The following CDH4 variants were observed in gnomAD, a reference collection of about 807,000 sequenced individuals.
CDH4 encodes the protein cadherin-4.
A neutral mutation model predicts 86.0 loss-of-function variants in CDH4; 33 were observed. That is an observed-to-expected ratio of 0.38 (90% CI 0.29 to 0.51). The LOEUF is 0.51. Among genes scored for constraint, CDH4 ranks in the 20% least tolerant of loss-of-function variants. The probability of loss-of-function intolerance (pLI) is 0.86; values close to 1 mark genes in which losing one functional copy is unlikely to be tolerated. For synonymous variants in CDH4, 555 were observed against 549.4 expected, an observed-to-expected ratio of 1.01 and a Z score of -0.14; for missense variants, 1,114 against 1,307.4, an observed-to-expected ratio of 0.85 and a Z score of 2.28.
intron 2 of CDH4, among the ~76,000 whole-genome samples, chr20:61,528,468 G>GGAA: frequency 9.9e-6 from 1 of 100,548 alleles, no homozygotes; most frequent in Admixed American, 1.0e-4. Flanking sequence ...GGAGAGGGAG[G>GGAA]GGGAGGGGGA....
intron 2 of CDH4, among the ~76,000 whole-genome samples, chr20:61,619,665 C>G (rs2086753843): frequency 6.6e-6 from 1 of 152,208 alleles, no homozygotes; most frequent in South Asian, 2.1e-4. Context: ...CAGGGTCCAG[C>G]ATTCAATTTG....
intron 14 of CDH4, 21 bp downstream of exon 14, chr20:61,933,145 C>T (rs374686736): frequency 1.2e-5 from 19 of 1,607,646 alleles, no homozygotes; most frequent in African/African-American, 6.7e-5. Context: ...GGCCCGCCCC[C>T]GCCTCCCCAC....
intron 2 of CDH4, among the ~76,000 whole-genome samples, chr20:61,383,626 T>C (rs111220219): frequency 0.26 from 155 of 596 alleles, 23 homozygotes; most frequent in East Asian, 0.62. Flanking sequence ...ATATATGATA[T>C]ATATCATATA....
intron 6 of CDH4, among the ~76,000 whole-genome samples, chr20:61,853,740 C>A (rs530869405): frequency 6.6e-6 from 1 of 152,168 alleles, no homozygotes; most frequent in Non-Finnish European, 1.5e-5. Flanking sequence ...CCAGATGCTG[C>A]AGGTGGCCTG....
chr20:61,647,274 G>T (rs1433446427), intron 2 of CDH4, among the ~76,000 whole-genome samples: 1 of 152,172 alleles, frequency 6.6e-6, no homozygotes, highest in Non-Finnish European at 1.5e-5. Context: ...TCCCCTTGCA[G>T]ACACCCTTCC....
chr20:61,399,609 C>G (rs1454661920), intron 2 of CDH4, among the ~76,000 whole-genome samples: 1 of 152,208 alleles, frequency 6.6e-6, no homozygotes, highest in Non-Finnish European at 1.5e-5. Flanking sequence ...ATCATGAGGT[C>G]CTATCCGGTT....
rs79415326 is a variant in CDH4, at chr20:61,674,503, G to C, written c.170-69060G>C. Reference sequence around the variant, plus strand: ...AGAAGCCGGCTGCTCAAGAGACCCTGGGCCCAGTGCTCAGCAGGGCCCACC... The same window carrying C: ...AGAAGCCGGCTGCTCAAGAGACCCTCGGCCCAGTGCTCAGCAGGGCCCACC... On this transcript the variant is annotated intron_variant, in intron 2 of 15. Transcript: ENST00000614565. 3.0e-3 allele frequency among the ~76,000 whole-genome samples: 456 copies of C among 152,306 alleles called. 2 individuals carry two copies. Among genetic ancestry groups the C allele is most frequent in the Middle Eastern group, 0.01 (3 of 294 alleles).
At chr20:61,314,987 A>G (rs1045346006) in intron 2 of CDH4, among the ~76,000 whole-genome samples, 1 of 152,048 alleles carries the variant, frequency 6.6e-6, no homozygotes, top group Non-Finnish European at 1.5e-5. Context: ...TTTTCTTGCT[A>G]TTGATTTGTT....
intron 9 of CDH4, among the ~76,000 whole-genome samples, chr20:61,921,444 T>C (rs1481769953): frequency 2.0e-5 from 3 of 152,250 alleles, no homozygotes; most frequent in Non-Finnish European, 4.4e-5. Context: ...TCTGTCAGAA[T>C]GCATCACCCT....
intron 5 of CDH4, among the ~76,000 whole-genome samples, chr20:61,847,305 C>T (rs1393182175): frequency 6.6e-6 from 1 of 152,232 alleles, no homozygotes; most frequent in Non-Finnish European, 1.5e-5. Flanking sequence ...GCCTAAGGCA[C>T]AGCCTGCAAC....
At position 61,872,313 on chromosome 20, in the gene CDH4, G is replaced by A. The variant is rs1195739722; in HGVS notation, c.878-1415G>A. Among the ~76,000 whole-genome samples the A allele has an allele frequency of 2.0e-5, 3 of 152,308 alleles. No homozygotes were observed. The East Asian group carries it at 5.8e-4, about 29-fold the overall frequency. ...TGCAGGTGAGATGAGGATGCACAGGGCCCCATGACTCAGTCCAGAGGGCCA... is the reference window on the plus strand; with the variant it reads ...TGCAGGTGAGATGAGGATGCACAGGACCCCATGACTCAGTCCAGAGGGCCA... On this transcript the variant is annotated intron_variant, in intron 6 of 15. Transcript: ENST00000614565.
At chr20:61,658,262 CCCCCGAGTCACCATCCT>C (rs2087213739) in intron 2 of CDH4, among the ~76,000 whole-genome samples, 1 of 151,980 alleles carries the variant, frequency 6.6e-6, no homozygotes, top group African/African-American at 2.4e-5. Flanking sequence ...GCACCTGCAA[CCCCCGAGTCACCATCCT>C]CTCCGAGCTC....
intron 2 of CDH4, among the ~76,000 whole-genome samples, chr20:61,546,551 C>G (rs1318168332): frequency 2.0e-5 from 3 of 151,644 alleles, no homozygotes; most frequent in African/African-American, 7.3e-5. Flanking sequence ...CTTAATGTTT[C>G]TCAGGCAGTT....
chr20:61,597,910 G>A (rs1413210946), intron 2 of CDH4, among the ~76,000 whole-genome samples: 1 of 152,214 alleles, frequency 6.6e-6, no homozygotes, highest in African/African-American at 2.4e-5. Context: ...AGGGCAGGGT[G>A]GACCAGCAGA....
At chr20:61,585,151 C>T (rs1338006059) in intron 2 of CDH4, among the ~76,000 whole-genome samples, 1 of 152,372 alleles carries the variant, frequency 6.6e-6, no homozygotes, top group Admixed American at 6.5e-5. Context: ...AGAGCTGGAT[C>T]CCAGCCACAG....
At chr20:61,665,041 C>T (rs1443505093) in intron 2 of CDH4, among the ~76,000 whole-genome samples, 1 of 152,252 alleles carries the variant, frequency 6.6e-6, no homozygotes, top group African/African-American at 2.4e-5. Context: ...TCTCTAGCTG[C>T]CAGGATGTCA....
At chr20:61,925,486 C>G (rs531063211) in intron 11 of CDH4, among the ~76,000 whole-genome samples, 15 of 152,320 alleles carry the variant, frequency 9.8e-5, no homozygotes, top group Non-Finnish European at 1.9e-4. Flanking sequence ...TGAGGAAGGG[C>G]CTGGCTCAGA....
intron 2 of CDH4, among the ~76,000 whole-genome samples, chr20:61,396,641 C>T (rs2085018922): frequency 6.6e-6 from 1 of 152,180 alleles, no homozygotes; most frequent in African/African-American, 2.4e-5. Context: ...CTGGCAACTC[C>T]ACTTGCTGTG....
chr20:61,384,025 T>C (rs1311086760), intron 2 of CDH4, among the ~76,000 whole-genome samples: 1 of 151,872 alleles, frequency 6.6e-6, no homozygotes, highest in Non-Finnish European at 1.5e-5. Context: ...GCAGGAAGCA[T>C]TCAGCACGGG....
Sources: gnomAD v4.1 joint callset for allele counts (sites outside exome capture counted in the v4.1 genomes callset) on GRCh38, gnomAD v4.1.1 for gene constraint, MANE v1.5 for transcripts, NCBI Gene and HGNC (gene_info 2026-07-23, HGNC 2026-07-21) for gene names.